TENM2: variants seen among roughly 807,000 people sequenced by gnomAD.
TENM2 encodes the protein teneurin transmembrane protein 2.
TENM2 carries 52 observed loss-of-function variants against 245.2 expected under a neutral mutation model. The ratio of observed to expected loss-of-function variants is 0.21; its 90% CI spans 0.17 to 0.27. The LOEUF (loss-of-function observed/expected upper bound fraction) is 0.27. Among genes scored for constraint, TENM2 ranks in the 10% least tolerant of loss-of-function variants. The pLI, the probability that TENM2 is intolerant of heterozygous loss-of-function variation, is 1.00. For missense variants in TENM2, 3,046 were observed against 3,666.8 expected (o/e 0.83, Z 4.37); for synonymous variants, 1,363 against 1,438.9 (o/e 0.95, Z 1.19).
intron 13 of TENM2, among the ~76,000 whole-genome samples, chr5:168,164,531 A>G (rs1758043033): frequency 6.6e-6 from 1 of 152,188 alleles, no homozygotes; most frequent in African/African-American, 2.4e-5. Context: ...CCACTTGGCC[A>G]TCAAAGCCTA....
At chr5:167,556,045 T>A (rs1375554425) in intron 2 of TENM2, among the ~76,000 whole-genome samples, 1 of 152,178 alleles carries the variant, frequency 6.6e-6, no homozygotes, top group Non-Finnish European at 1.5e-5. Context: ...TTAAATTTCC[T>A]ATGAACATGT....
Position 167,539,552 on chromosome 5 carries a change from A to C in TENM2, c.502+164079A>C, listed in dbSNP as rs932974615. 2.6e-5 allele frequency among the ~76,000 whole-genome samples: 4 copies of C among 152,342 alleles called. No homozygotes were observed. The East Asian group carries it at 7.7e-4, about 29-fold the overall frequency. Reference sequence around the variant, plus strand: ...CCAAGATAAGATTAAGGTATAAGAAAGGAAGAGAAGTGATGATTTGGAGAA... The same window carrying C: ...CCAAGATAAGATTAAGGTATAAGAACGGAAGAGAAGTGATGATTTGGAGAA... On this transcript the variant is annotated intron_variant, in intron 2 of 28. Transcript: ENST00000518659.
At chr5:167,877,363 G>A (rs1773514019) in intron 3 of TENM2, among the ~76,000 whole-genome samples, 2 of 152,126 alleles carry the variant, frequency 1.3e-5, no homozygotes, top group Non-Finnish European at 2.9e-5. Context: ...TTCATAGCCA[G>A]GCCTGATATA....
At chr5:167,843,792 A>G (rs1204635164) in intron 2 of TENM2, among the ~76,000 whole-genome samples, 2 of 152,230 alleles carry the variant, frequency 1.3e-5, no homozygotes, top group African/African-American at 2.4e-5. Context: ...ACCCATTATA[A>G]CAATAGGGAC....
At chr5:167,747,534 C>T (rs980073693) in intron 2 of TENM2, among the ~76,000 whole-genome samples, 4 of 152,320 alleles carry the variant, frequency 2.6e-5, no homozygotes, top group Admixed American at 2.0e-4. Flanking sequence ...TAATACCTCA[C>T]GCTGATACTC....
chr5:167,034,771 C>T, the TENM2 span, among the ~76,000 whole-genome samples: 1 of 151,958 alleles, frequency 6.6e-6, no homozygotes, highest in Non-Finnish European at 1.5e-5. Flanking sequence ...CTTTGAGGCT[C>T]AAAGTCATGG....
chr5:167,861,962 A>G (rs1402832856), intron 2 of TENM2, among the ~76,000 whole-genome samples: 1 of 152,254 alleles, frequency 6.6e-6, no homozygotes, highest in Non-Finnish European at 1.5e-5. Flanking sequence ...TCCTGCCTGC[A>G]TAATATATTT....
intron 3 of TENM2, among the ~76,000 whole-genome samples, chr5:167,931,529 C>A (rs972759628): frequency 6.9e-6 from 1 of 145,402 alleles, no homozygotes; most frequent in Non-Finnish European, 1.5e-5. Context: ...AGGGAGAGCA[C>A]CCCAACCCCA....
chr5:167,839,911 G>A (rs774571795), intron 2 of TENM2, among the ~76,000 whole-genome samples: 71 of 152,212 alleles, frequency 4.7e-4, no homozygotes, highest in Non-Finnish European at 8.1e-4. Flanking sequence ...TCCGCCTCCC[G>A]GGTTCAAGCA....
chr5:167,158,036 CT>C, the TENM2 span, among the ~76,000 whole-genome samples: 1 of 152,194 alleles, frequency 6.6e-6, no homozygotes, highest in South Asian at 2.1e-4. Flanking sequence ...TGACATTTCT[CT>C]TTTTTTAACT....
intron 19 of TENM2, among the ~76,000 whole-genome samples, chr5:168,207,012 G>T (rs905937636): frequency 6.6e-6 from 1 of 152,052 alleles, no homozygotes; most frequent in Non-Finnish European, 1.5e-5. Context: ...CCACCTGCAA[G>T]GCCCAGTGTC....
At chr5:167,158,222 A>C in the TENM2 span, among the ~76,000 whole-genome samples, 1 of 152,196 alleles carries the variant, frequency 6.6e-6, no homozygotes, top group African/African-American at 2.4e-5. Flanking sequence ...GAATAAAACA[A>C]ATGTGCAACT....
the TENM2 span, among the ~76,000 whole-genome samples, chr5:167,214,705 T>C: frequency 7.9e-5 from 12 of 152,168 alleles, no homozygotes; most frequent in African/African-American, 2.4e-4. Context: ...AGATTAGAGA[T>C]TGGCAATACA....
intron 20 of TENM2, among the ~76,000 whole-genome samples, chr5:168,214,472 C>T (rs1763024519): frequency 6.6e-6 from 1 of 152,216 alleles, no homozygotes; most frequent in South Asian, 2.1e-4. Context: ...TAAATGCCAA[C>T]TTTATCCATG....
the TENM2 span, among the ~76,000 whole-genome samples, chr5:167,127,021 T>C: frequency 3.3e-5 from 5 of 152,082 alleles, no homozygotes; most frequent in Admixed American, 6.6e-5. Flanking sequence ...TTTTTTTTTT[T>C]CACCTGCCTT....
intron 2 of TENM2, among the ~76,000 whole-genome samples, chr5:167,422,050 A>G (rs928518050): frequency 2.0e-5 from 3 of 152,156 alleles, no homozygotes; most frequent in African/African-American, 7.2e-5. Context: ...TCAACCTCTC[A>G]AAGTGCTGGG....
chr5:167,532,041 G>A (rs1330866427), intron 2 of TENM2, among the ~76,000 whole-genome samples: 1 of 152,064 alleles, frequency 6.6e-6, no homozygotes, highest in Non-Finnish European at 1.5e-5. Context: ...ATATTAAGCT[G>A]CCCTAAGTGG....
chr5:167,058,075 G>A, the TENM2 span, among the ~76,000 whole-genome samples: 1 of 151,940 alleles, frequency 6.6e-6, no homozygotes, highest in African/African-American at 2.4e-5. Flanking sequence ...TAAATTCAGG[G>A]GCCAGCAGTT....
intron 3 of TENM2, among the ~76,000 whole-genome samples, chr5:167,917,768 T>C (rs777584305): frequency 6.6e-6 from 1 of 152,212 alleles, no homozygotes; most frequent in Non-Finnish European, 1.5e-5. Context: ...CACTTGTCTA[T>C]CTCCCTAGTA....
Sources: allele counts gnomAD v4.1 joint callset (sites outside exome capture counted in the v4.1 genomes callset), GRCh38; gene constraint gnomAD v4.1.1; transcripts MANE v1.5; gene names NCBI Gene and HGNC (gene_info 2026-07-23, HGNC 2026-07-21).